The following RIMBP2 variants were observed in gnomAD, a reference collection of about 807,000 sequenced individuals.
RIMBP2 encodes RIMS-binding protein 2.
RIMBP2 carries 48 observed loss-of-function variants against 118.6 expected under a neutral mutation model. The ratio of observed to expected loss-of-function variants is 0.40; its 90% CI spans 0.32 to 0.51. The LOEUF (loss-of-function observed/expected upper bound fraction) is 0.51, where lower values mean the gene tolerates loss of function less well. Ranked by LOEUF, RIMBP2 falls within the 20% of genes least tolerant of loss-of-function variation. RIMBP2 has a pLI of 0.41. For missense variants in RIMBP2, 1,551 were observed against 1,768.3 expected (o/e 0.88, Z 2.20); for synonymous variants, 762 against 742.9 (o/e 1.03, Z -0.42).
chr12:130,461,916 T>C (rs2080030616), intron 6 of RIMBP2, among the ~76,000 whole-genome samples: 1 of 151,818 alleles, frequency 6.6e-6, no homozygotes, highest in Non-Finnish European at 1.5e-5. Flanking sequence ...CAGGCATTCC[T>C]TTATAGCAAG....
At chr12:130,679,347 A>C (rs1422759452) in intron 1 of RIMBP2, among the ~76,000 whole-genome samples, 3 of 152,248 alleles carry the variant, frequency 2.0e-5, no homozygotes, top group Non-Finnish European at 4.4e-5. Context: ...TGTCTAGAGA[A>C]CCATTTGTCC....
At chr12:130,676,771 A>G (rs1036806264) in intron 1 of RIMBP2, among the ~76,000 whole-genome samples, 1 of 152,188 alleles carries the variant, frequency 6.6e-6, no homozygotes, top group East Asian at 1.9e-4. Context: ...ACGGTTCCAG[A>G]CCCACAGGCT....
rs182226518 is a variant in RIMBP2 at position 130,447,072 on chromosome 12, G to A, written c.582-1803C>T. Among the ~76,000 whole-genome samples, 176 of 144,008 alleles carry A rather than the reference G, an allele frequency of 1.2e-3. 1 individual carries two copies. The highest frequency in any genetic ancestry group is 4.3e-3 in the Admixed American group (63 of 14,784). The allele number at this position is 144,008 out of a possible 152,430, so 94.5% of individuals were successfully genotyped here. A position where few individuals can be genotyped will look rare whatever the true frequency, so the allele number is the denominator to read the frequency against. On this transcript the variant is annotated intron_variant, in intron 9 of 22. Coordinates refer to ENST00000690449, the MANE Select transcript of RIMBP2 (RefSeq NM_001393629.1). This position sits in a 1 kb window ranked among gnomAD's most constrained non-coding sequence, Gnocchi z 4.4. ...ACACAGAAGCTGGCAGAGTGTTCTC[G>A]GAGGAGGAGGAGGAGGAGGAGGGAG... is the stretch of plus-strand genomic sequence containing the variant.
intron 6 of RIMBP2, among the ~76,000 whole-genome samples, chr12:130,464,400 C>T (rs61935943): frequency 0.26 from 39,523 of 151,526 alleles, 6,405 homozygotes; most frequent in Non-Finnish European, 0.34. Flanking sequence ...CCAGGCCCTA[C>T]GTGATTTCAT....
chr12:130,438,551 G>A, intron 11 of RIMBP2, 35 bp from the exon 12 acceptor site: 1 of 1,526,860 alleles, frequency 6.5e-7, no homozygotes, highest in Non-Finnish European at 8.8e-7. Flanking sequence ...AGGCGTTCAG[G>A]GACCAGCCCT....
chr12:130,549,154 C>G lies in RIMBP2; in HGVS notation c.-216-31237G>C, dbSNP rs56108525. Among the ~76,000 whole-genome samples, 6 of 152,228 alleles carry G rather than the reference C, an allele frequency of 3.9e-5. No homozygotes were observed. In the South Asian group the frequency reaches 1.2e-3, roughly 32 times the overall value. ...TTTGGGGAGGACTGCCTAATTCAAACGTGTAACTCTAGGCTGGTGGATATT... is the reference window on the plus strand; with the variant it reads ...TTTGGGGAGGACTGCCTAATTCAAAGGTGTAACTCTAGGCTGGTGGATATT... On this transcript the variant is annotated intron_variant, in intron 2 of 22. Transcript: ENST00000690449.
chr12:130,406,059 G>C lies in RIMBP2; in HGVS notation c.3765+113C>G, dbSNP rs568422211. The C allele has an allele frequency of 6.8e-4, 469 of 689,990 alleles. 1 individual carries two copies. The highest frequency in any genetic ancestry group is 4.1e-4 in the Non-Finnish European group (157 of 386,642). The allele number at this position is 689,990 out of a possible 1,614,324, so 42.7% of individuals were successfully genotyped here. A position where few individuals can be genotyped will look rare whatever the true frequency, so the allele number is the denominator to read the frequency against. ...CAATTAAGCAAAGCTATCAGCAGGC[G>C]TATGACGTTCATGCCCAATTTTAAG... On this transcript the variant is annotated intron_variant, in intron 21 of 22. Coordinates refer to ENST00000690449, the MANE Select transcript of RIMBP2 (RefSeq NM_001393629.1).
intron 1 of RIMBP2, among the ~76,000 whole-genome samples, chr12:130,706,554 T>A (rs1229429442): frequency 6.6e-6 from 1 of 152,252 alleles, no homozygotes; most frequent in South Asian, 2.1e-4. Context: ...CACAGGCAGG[T>A]CCGCGCTCCC....
chr12:130,649,534 C>T (rs1050901225), intron 1 of RIMBP2, among the ~76,000 whole-genome samples: 1 of 152,230 alleles, frequency 6.6e-6, no homozygotes, highest in South Asian at 2.1e-4. Context: ...TGAGAAGTGG[C>T]TTCCCACAGC....
Position 130,419,083 on chromosome 12 carries a change from G to A in RIMBP2, c.3238+3370C>T, listed in dbSNP as rs1340960779. Among the ~76,000 whole-genome samples the A allele has an allele frequency of 6.6e-6, 1 of 152,232 alleles. No individual in the cohort carries two copies. Among genetic ancestry groups the A allele is most frequent in the Non-Finnish European group, 1.5e-5 (1 of 68,044 alleles). ...TTCTTCCAGAGAGGATGCACTGGATGTGTTATGAGCACCAAACCTCGACAG... is the reference window on the plus strand; with the variant it reads ...TTCTTCCAGAGAGGATGCACTGGATATGTTATGAGCACCAAACCTCGACAG... On this transcript the variant is annotated intron_variant, in intron 17 of 22. Transcript: ENST00000690449. This position sits in a 1 kb window ranked among gnomAD's most constrained non-coding sequence, Gnocchi z 4.3.
At chr12:130,676,215 CAT>C (rs2064456673) in intron 1 of RIMBP2, among the ~76,000 whole-genome samples, 2 of 151,570 alleles carry the variant, frequency 1.3e-5, no homozygotes, top group South Asian at 4.1e-4. Flanking sequence ...CTGGGACACA[CAT>C]GTGTTCACAC....
rs190497500 is a variant in RIMBP2 at position 130,648,727 on chromosome 12, G to T, written c.-351-20271C>A. 2.1e-3 allele frequency among the ~76,000 whole-genome samples: 294 copies of T among 143,052 alleles called. 41 individuals carry two copies. Among genetic ancestry groups the T allele is most frequent in the Non-Finnish European group, 4.1e-3 (262 of 63,244 alleles). 93.8% of individuals were successfully genotyped at this position (143,052 alleles called of 152,430 possible). On this transcript the variant is annotated intron_variant, in intron 1 of 22. Transcript: ENST00000690449. ...GCTGGAGTGCAGTGGCGCGATCTCGGCTCACCGCAACCTCCGCCTCCCGGG... is the reference window on the plus strand; with the variant it reads ...GCTGGAGTGCAGTGGCGCGATCTCGTCTCACCGCAACCTCCGCCTCCCGGG...
chr12:130,477,545 C>T (rs913280088), intron 5 of RIMBP2, among the ~76,000 whole-genome samples: 19 of 152,206 alleles, frequency 1.2e-4, no homozygotes, highest in African/African-American at 4.1e-4. Context: ...ATTGCTGCTC[C>T]GGGTGCCTGC....
intron 2 of RIMBP2, among the ~76,000 whole-genome samples, chr12:130,624,986 G>T (rs1356565210): frequency 6.6e-6 from 1 of 152,202 alleles, no homozygotes; most frequent in Non-Finnish European, 1.5e-5. Flanking sequence ...GCCTCCCAAA[G>T]TGCTGAGATT....
At chr12:130,496,788 A>C (rs1444361956) in intron 4 of RIMBP2, among the ~76,000 whole-genome samples, 3 of 152,174 alleles carry the variant, frequency 2.0e-5, no homozygotes, top group Admixed American at 1.3e-4. Context: ...ACTTCTCTGC[A>C]CACTGGGACT....
intron 2 of RIMBP2, among the ~76,000 whole-genome samples, chr12:130,616,945 C>T (rs984890883): frequency 2.6e-5 from 4 of 152,146 alleles, no homozygotes; most frequent in Non-Finnish European, 4.4e-5. Context: ...GGCTGTGGGT[C>T]CCCGCAACAT....
At chr12:130,455,413 C>T (rs982024591) in intron 7 of RIMBP2, among the ~76,000 whole-genome samples, 3 of 152,238 alleles carry the variant, frequency 2.0e-5, no homozygotes, top group Non-Finnish European at 4.4e-5. Context: ...GTCTGTCTCT[C>T]AGCGTTGCAA....
chr12:130,414,452 G>C (rs2075977692), intron 17 of RIMBP2, 146 bp from the exon 18 acceptor site: 8 of 723,618 alleles, frequency 1.1e-5, no homozygotes, highest in Admixed American at 3.0e-5. Context: ...GGTGGAAATA[G>C]ATCGGGAGGT....
intron 22 of RIMBP2, chr12:130,398,748 T>TAG (rs1419557349): frequency 6.5e-6 from 1 of 153,560 alleles, no homozygotes; most frequent in East Asian, 1.9e-4. Context: ...AAGCTTCCTA[T>TAG]AGTAAACATG....
Sources: allele counts gnomAD v4.1 joint callset (sites outside exome capture counted in the v4.1 genomes callset), GRCh38; gene constraint gnomAD v4.1.1; non-coding constraint Gnocchi (gnomAD v3.1); transcripts MANE v1.5; gene names NCBI Gene and HGNC (gene_info 2026-07-23, HGNC 2026-07-21).